Variants in PALLD observed in about 807,000 individuals in gnomAD.
PALLD encodes palladin.
PALLD carries 61 observed loss-of-function variants against 123.5 expected under a neutral mutation model. The observed-to-expected ratio is 0.49, with a 90% CI of 0.40 to 0.61. The LOEUF (loss-of-function observed/expected upper bound fraction) is 0.61. Among genes scored for constraint, PALLD ranks in the 20% least tolerant of loss-of-function variants. The pLI, the probability that PALLD is intolerant of heterozygous loss-of-function variation, is 0.00. For synonymous variants in PALLD, 465 were observed against 496.4 expected (o/e 0.94, Z 0.84); for missense variants, 1,273 against 1,377.0 (o/e 0.92, Z 1.20).
chr4:168,670,775 C>CAAAAAAAAAAAAAAAAAAAAAAAAAAAAA (rs112589264), intron 3 of PALLD, among the ~76,000 whole-genome samples: 1 of 100,202 alleles, frequency 1.0e-5, no homozygotes, highest in Non-Finnish European at 2.0e-5. Context: ...CAAAAAAAAA[C>CAAAAAAAAAAAAAAAAAAAAAAAAAAAAA]AAAAAAAAAA....
chr4:168,702,232 GA>G, intron 8 of PALLD, among the ~76,000 whole-genome samples: 1 of 152,136 alleles, frequency 6.6e-6, no homozygotes, highest in Non-Finnish European at 1.5e-5. Flanking sequence ...ATCAGCTCTA[GA>G]AAAAAAGAAC....
At chr4:168,631,586 C>T in intron 2 of PALLD, 1 of 985,210 alleles carries the variant, frequency 1.0e-6, no homozygotes, top group Non-Finnish European at 1.2e-6. Flanking sequence ...ACACACTCCG[C>T]GCACACGCGC....
chr4:168,854,144 C>T (rs1748223725), intron 10 of PALLD, among the ~76,000 whole-genome samples: 1 of 147,976 alleles, frequency 6.8e-6, no homozygotes, highest in Non-Finnish European at 1.5e-5. Flanking sequence ...CTACTACTGC[C>T]TCTGTTTACT....
intron 2 of PALLD, among the ~76,000 whole-genome samples, chr4:168,583,725 G>A (rs1175216580): frequency 1.3e-5 from 2 of 152,168 alleles, no homozygotes; most frequent in African/African-American, 4.8e-5. Flanking sequence ...CTCAGCCCTT[G>A]GGATATCTGT....
intron 2 of PALLD, among the ~76,000 whole-genome samples, chr4:168,534,092 T>C (rs1764870188): frequency 6.6e-6 from 1 of 152,210 alleles, no homozygotes; most frequent in Non-Finnish European, 1.5e-5. Flanking sequence ...AAGGCAAAGG[T>C]AGAAGACCCC....
intron 2 of PALLD, among the ~76,000 whole-genome samples, chr4:168,550,444 C>A (rs1205605605): frequency 2.6e-5 from 4 of 152,100 alleles, no homozygotes; most frequent in Non-Finnish European, 5.9e-5. Flanking sequence ...TAGAATAAAA[C>A]CCTGCAAGAC....
At chr4:168,750,011 A>G (rs1730836940) in intron 10 of PALLD, among the ~76,000 whole-genome samples, 1 of 151,018 alleles carries the variant, frequency 6.6e-6, no homozygotes, top group African/African-American at 2.4e-5. Flanking sequence ...CAGTGGCAAT[A>G]TCTCTGCTCA....
chr4:168,743,050 A>G (rs1198902661), intron 10 of PALLD, among the ~76,000 whole-genome samples: 1 of 152,174 alleles, frequency 6.6e-6, no homozygotes, highest in East Asian at 1.9e-4. Context: ...GCTATAGACT[A>G]GAATAGATTG....
At chr4:168,700,100 G>A (rs1167261327) in intron 8 of PALLD, 1 of 294,988 alleles carries the variant, frequency 3.4e-6, no homozygotes, top group Admixed American at 3.6e-5. Context: ...ATTTCCTCAT[G>A]GCTTTCTTCA....
chr4:168,715,915 C>A (rs977302036), intron 10 of PALLD, among the ~76,000 whole-genome samples: 13 of 149,634 alleles, frequency 8.7e-5, no homozygotes, highest in African/African-American at 3.0e-4. Flanking sequence ...GCGCCACTGC[C>A]CTCCACCCTG....
Position 168,709,038 on chromosome 4 carries a change from C to T in PALLD, c.1512C>T (p.Cys504=). The change falls in exon 9 of 22, where the codon TGC becomes TGT. Residue 504 remains cysteine (C), a synonymous_variant. Transcript: ENST00000505667. ...PRSTAEPEEI[C]TLVIAETFPE... is the part of the protein sequence containing the mutation. ...TCTCTTCACTTCCAGAGGAGATTTGCACCCTAGTTATCGCTGAGACTTTCC... is the reference window on the plus strand; with the variant it reads ...TCTCTTCACTTCCAGAGGAGATTTGTACCCTAGTTATCGCTGAGACTTTCC... 6.2e-7 allele frequency: 1 copy of T among 1,613,282 alleles called. No individual in the cohort carries two copies. The highest frequency in any genetic ancestry group is 8.5e-7 in the Non-Finnish European group (1 of 1,179,246).
At chr4:168,842,639 C>T (rs1186712008) in intron 10 of PALLD, among the ~76,000 whole-genome samples, 3 of 152,220 alleles carry the variant, frequency 2.0e-5, no homozygotes, top group Admixed American at 6.5e-5. Flanking sequence ...TGCCTTGAGT[C>T]TTCTCTTAAA....
chr4:168,897,985 C>A (rs1398896812), intron 13 of PALLD: 1 of 149,530 alleles, frequency 6.7e-6, no homozygotes, highest in Non-Finnish European at 1.5e-5. Flanking sequence ...TTCTATTATT[C>A]TTTTACTATT....
At chr4:168,741,663 G>A (rs925815363) in intron 10 of PALLD, among the ~76,000 whole-genome samples, 2 of 152,014 alleles carry the variant, frequency 1.3e-5, no homozygotes, top group African/African-American at 2.4e-5. Context: ...CAGCCTAGAC[G>A]ACAGAGTACA....
intron 8 of PALLD, among the ~76,000 whole-genome samples, chr4:168,699,540 A>C (rs1201402181): frequency 6.6e-6 from 1 of 152,058 alleles, no homozygotes; most frequent in Non-Finnish European, 1.5e-5. Flanking sequence ...AAAAAAAAAA[A>C]AAACAGTTGC....
At chr4:168,841,000 GCCA>G (rs932576688) in intron 10 of PALLD, among the ~76,000 whole-genome samples, 1 of 152,076 alleles carries the variant, frequency 6.6e-6, no homozygotes, top group African/African-American at 2.4e-5. Context: ...ACAGGTGCGT[GCCA>G]CCACGCCTGG....
At chr4:168,555,206 T>C (rs1331931884) in intron 2 of PALLD, among the ~76,000 whole-genome samples, 3 of 152,170 alleles carry the variant, frequency 2.0e-5, no homozygotes, top group Non-Finnish European at 4.4e-5. Flanking sequence ...GAATTGAACT[T>C]GTGAATAAGT....
intron 10 of PALLD, among the ~76,000 whole-genome samples, chr4:168,867,165 G>T (rs1368752269): frequency 6.6e-6 from 1 of 152,196 alleles, no homozygotes; most frequent in Non-Finnish European, 1.5e-5. Flanking sequence ...AATAAAAGTG[G>T]CCTCTCTCCT....
intron 10 of PALLD, among the ~76,000 whole-genome samples, chr4:168,784,205 TA>T (rs888765049): frequency 6.6e-6 from 1 of 151,806 alleles, no homozygotes; most frequent in African/African-American, 2.4e-5. Context: ...AGAAAAAATG[TA>T]AAAGTGGTCC....
Sources: gnomAD v4.1 joint callset for allele counts (sites outside exome capture counted in the v4.1 genomes callset) on GRCh38, gnomAD v4.1.1 for gene constraint, MANE v1.5 for transcripts, NCBI Gene and HGNC (gene_info 2026-07-23, HGNC 2026-07-21) for gene names.